Variants in PPP3CA observed in about 807,000 individuals in gnomAD.
The protein encoded by PPP3CA is protein phosphatase 3 catalytic subunit alpha.
A neutral mutation model predicts 66.5 loss-of-function variants in PPP3CA; 14 were observed. The ratio of observed to expected loss-of-function variants is 0.21; its 90% CI spans 0.14 to 0.33. The LOEUF is 0.33. Ranked by LOEUF, PPP3CA falls within the 10% of genes least tolerant of loss-of-function variation. The pLI is 1.00. For missense variants in PPP3CA, 317 were observed against 639.5 expected, an observed-to-expected ratio of 0.50 and a Z score of 5.44; for synonymous variants, 232 against 226.2, an observed-to-expected ratio of 1.03 and a Z score of -0.23.
intron 1 of PPP3CA, among the ~76,000 whole-genome samples, chr4:101,254,826 T>C (rs1359035345): frequency 6.6e-6 from 1 of 151,838 alleles, no homozygotes; most frequent in Non-Finnish European, 1.5e-5. Flanking sequence ...ATTCAGCCAC[T>C]CAACCAACAT....
chr4:101,040,051 G>A (rs1459620742), intron 11 of PPP3CA, among the ~76,000 whole-genome samples: 3 of 152,002 alleles, frequency 2.0e-5, no homozygotes. Context: ...GAATAACATA[G>A]ATTCACATGA....
intron 1 of PPP3CA, among the ~76,000 whole-genome samples, chr4:101,197,618 A>G (rs574241459): frequency 6.6e-6 from 1 of 152,362 alleles, no homozygotes; most frequent in East Asian, 1.9e-4. Flanking sequence ...TAGAGTAAAT[A>G]GTAACAGTAG....
At chr4:101,068,304 G>A (rs192880230) in intron 8 of PPP3CA, among the ~76,000 whole-genome samples, 3 of 152,040 alleles carry the variant, frequency 2.0e-5, no homozygotes, top group East Asian at 1.9e-4. Flanking sequence ...TCTTCCACCC[G>A]CAGATGCCCT....
At chr4:101,068,567 GATTGTGTGAATATGCATATATGCAT>G (rs1728779685) in intron 8 of PPP3CA, among the ~76,000 whole-genome samples, 1 of 151,952 alleles carries the variant, frequency 6.6e-6, no homozygotes, top group Admixed American at 6.6e-5. Context: ...TTTCATTTAA[GATTGTGTGAATATGCATATATGCAT>G]ATTCACATAT....
chr4:101,083,618 A>G (rs1460090212), intron 6 of PPP3CA, among the ~76,000 whole-genome samples: 1 of 152,266 alleles, frequency 6.6e-6, no homozygotes, highest in Non-Finnish European at 1.5e-5. Flanking sequence ...AATTTAAAAT[A>G]TAAGTCTCAA....
chr4:101,308,627 G>A (rs991153206), intron 1 of PPP3CA, among the ~76,000 whole-genome samples: 1 of 151,878 alleles, frequency 6.6e-6, no homozygotes. Context: ...TTAACTTTTT[G>A]CAGAGACAGG....
At chr4:101,171,835 A>G (rs981579224) in intron 2 of PPP3CA, among the ~76,000 whole-genome samples, 1 of 152,164 alleles carries the variant, frequency 6.6e-6, no homozygotes, top group African/African-American at 2.4e-5. Flanking sequence ...TCTGTTTAAT[A>G]CCGATTTCTG....
At chr4:101,040,142 C>T (rs946203147) in intron 11 of PPP3CA, among the ~76,000 whole-genome samples, 5 of 151,782 alleles carry the variant, frequency 3.3e-5, no homozygotes, top group East Asian at 1.9e-4. Context: ...CGAGCCAGAA[C>T]GAAAAACAAA....
At chr4:101,198,814 TA>T (rs1441508390) in intron 1 of PPP3CA, among the ~76,000 whole-genome samples, 1 of 152,122 alleles carries the variant, frequency 6.6e-6, no homozygotes, top group Admixed American at 6.6e-5. Flanking sequence ...TACCTTCCAG[TA>T]ATTGCTAATC....
rs144911524 is a variant in PPP3CA, at chr4:101,164,274, T to C, written c.259+31642A>G. On this transcript the variant is annotated intron_variant, in intron 2 of 13. Coordinates refer to ENST00000394854, the MANE Select transcript of PPP3CA (RefSeq NM_000944.5). ...CAATTTTCTATTTGTATGGAACTTA[T>C]CACCTTCTAACATCTTTTATAATTT... Among the ~76,000 whole-genome samples, 648 of 152,270 alleles carry C rather than the reference T, an allele frequency of 4.3e-3. 5 individuals are homozygous for C. Among genetic ancestry groups the C allele is most frequent in the African/African-American group, 0.015 (613 of 41,546 alleles).
At chr4:101,309,805 T>A (rs1578653657) in intron 1 of PPP3CA, among the ~76,000 whole-genome samples, 2 of 152,234 alleles carry the variant, frequency 1.3e-5, no homozygotes, top group East Asian at 3.8e-4. Context: ...TACAATGGAA[T>A]GTTTCTATAG....
chr4:101,302,460 G>A (rs1303990813), intron 1 of PPP3CA, among the ~76,000 whole-genome samples: 2 of 152,220 alleles, frequency 1.3e-5, no homozygotes, highest in Non-Finnish European at 2.9e-5. Flanking sequence ...TCTGTAACAA[G>A]TTTGTTATAG....
chr4:101,030,137 T>C (rs1263180527), intron 12 of PPP3CA, among the ~76,000 whole-genome samples: 1 of 152,184 alleles, frequency 6.6e-6, no homozygotes, highest in Non-Finnish European at 1.5e-5. Context: ...TATAAGTATA[T>C]GAGTCTTTCT....
At chr4:101,241,898 A>G (rs992048738) in intron 1 of PPP3CA, among the ~76,000 whole-genome samples, 1 of 152,152 alleles carries the variant, frequency 6.6e-6, no homozygotes, top group African/African-American at 2.4e-5. Flanking sequence ...GTTACAGTAC[A>G]TGACCAAAAT....
chr4:101,079,545 A>AT (rs1729345820), intron 8 of PPP3CA, among the ~76,000 whole-genome samples: 1 of 151,704 alleles, frequency 6.6e-6, no homozygotes, highest in Non-Finnish European at 1.5e-5. Context: ...CGGCCAGCTA[A>AT]TTTTTTGTGT....
intron 2 of PPP3CA, among the ~76,000 whole-genome samples, chr4:101,155,826 G>A (rs939269747): frequency 6.6e-6 from 1 of 152,206 alleles, no homozygotes; most frequent in Non-Finnish European, 1.5e-5. Context: ...CTTTTAACTC[G>A]AAATGTGTTG....
At chr4:101,286,947 C>G (rs1462357193) in intron 1 of PPP3CA, among the ~76,000 whole-genome samples, 1 of 151,796 alleles carries the variant, frequency 6.6e-6, no homozygotes, top group African/African-American at 2.4e-5. Context: ...GGGACTTGAA[C>G]CTGTAGGATT....
At chr4:101,281,247 G>A (rs1027510587) in intron 1 of PPP3CA, among the ~76,000 whole-genome samples, 2 of 152,210 alleles carry the variant, frequency 1.3e-5, no homozygotes, top group African/African-American at 2.4e-5. Context: ...GACAGTGAAC[G>A]TACATAATTC....
At chr4:101,196,209 C>G (rs1034468439) in intron 1 of PPP3CA, 93 bp from the exon 2 acceptor site, 32 of 1,130,658 alleles carry the variant, frequency 2.8e-5, no homozygotes, top group Non-Finnish European at 3.7e-5. Flanking sequence ...CATCACAAAC[C>G]AACTAATATA....
Sources: gnomAD v4.1 joint callset for allele counts (sites outside exome capture counted in the v4.1 genomes callset) on GRCh38, gnomAD v4.1.1 for gene constraint, MANE v1.5 for transcripts, NCBI Gene and HGNC (gene_info 2026-07-23, HGNC 2026-07-21) for gene names.